MYO3A: variants seen among roughly 807,000 people sequenced by gnomAD.
The protein encoded by MYO3A is myosin-IIIa.
MYO3A carries 180 observed loss-of-function variants against 192.7 expected under a neutral mutation model. That is an observed-to-expected ratio of 0.93 (90% CI 0.83 to 1.06). MYO3A has a LOEUF of 1.06. MYO3A is among the 50% of genes least tolerant of loss of function. MYO3A has a pLI of 0.00. For missense variants in MYO3A, 1,896 were observed against 1,905.0 expected (o/e 1.00, Z 0.09); for synonymous variants, 628 against 645.3 (o/e 0.97, Z 0.41).
At chr10:26,028,999 G>GT (rs992112827) in intron 10 of MYO3A, among the ~76,000 whole-genome samples, 2 of 152,154 alleles carry the variant, frequency 1.3e-5, no homozygotes, top group African/African-American at 4.8e-5. Flanking sequence ...ATCTGTCCTA[G>GT]TATTTTTAAT....
At chr10:26,168,953 G>C (rs1841906583) in intron 28 of MYO3A, 79 bp downstream of exon 28, 1 of 1,405,034 alleles carries the variant, frequency 7.1e-7, no homozygotes, top group Non-Finnish European at 9.9e-7. Context: ...TCCAATTCTT[G>C]TGTAGCTTTT....
chr10:26,084,241 A>G (rs1010552896), intron 14 of MYO3A, among the ~76,000 whole-genome samples: 1 of 152,184 alleles, frequency 6.6e-6, no homozygotes, highest in Non-Finnish European at 1.5e-5. Context: ...GTTGAATCAT[A>G]TTGTTTGATT....
At chr10:26,073,860 T>A (rs1277611970) in intron 14 of MYO3A, among the ~76,000 whole-genome samples, 2 of 151,610 alleles carry the variant, frequency 1.3e-5, no homozygotes, top group Admixed American at 6.6e-5. Flanking sequence ...CATGAGACAA[T>A]TTGGGGTGGT....
intron 10 of MYO3A, among the ~76,000 whole-genome samples, chr10:26,029,467 T>C (rs1360139742): frequency 6.6e-6 from 1 of 152,244 alleles, no homozygotes; most frequent in East Asian, 1.9e-4. Context: ...TGCTATATTC[T>C]GAATGAATTC....
chr10:25,957,045 T>C (rs943851023), intron 4 of MYO3A, among the ~76,000 whole-genome samples: 3 of 152,186 alleles, frequency 2.0e-5, no homozygotes, highest in African/African-American at 7.2e-5. Flanking sequence ...ATCATGTTCC[T>C]GCAAAGGACA....
intron 31 of MYO3A, 111 bp downstream of exon 31, chr10:26,176,956 C>A: frequency 8.1e-7 from 1 of 1,241,848 alleles, no homozygotes; most frequent in Non-Finnish European, 1.2e-6. Context: ...TGTGTCCTGT[C>A]TTAGGAGAAC....
chr10:26,022,142 C>T (rs981617252), intron 8 of MYO3A: 1 of 152,426 alleles, frequency 6.6e-6, no homozygotes, highest in African/African-American at 2.4e-5. Flanking sequence ...TAATATAAAA[C>T]AATAAATTTA....
intron 10 of MYO3A, among the ~76,000 whole-genome samples, chr10:26,060,350 C>T (rs1010938098): frequency 3.9e-5 from 6 of 151,970 alleles, no homozygotes; most frequent in Admixed American, 6.6e-5. Context: ...TGCCTGTAAT[C>T]CCAGTTACTC....
chr10:25,971,343 T>C (rs1838627761), intron 4 of MYO3A, among the ~76,000 whole-genome samples: 1 of 152,226 alleles, frequency 6.6e-6, no homozygotes, highest in African/African-American at 2.4e-5. Flanking sequence ...TAATGTTTTA[T>C]ACAATTGCTT....
intron 2 of MYO3A, among the ~76,000 whole-genome samples, chr10:25,943,776 G>GTGTGTGTGTGTA (rs1243847182): frequency 2.0e-5 from 3 of 147,480 alleles, no homozygotes; most frequent in Admixed American, 6.7e-5. Context: ...ATTTGTGTGT[G>GTGTGTGTGTGTA]TGTGTGTGTG....
intron 31 of MYO3A, among the ~76,000 whole-genome samples, chr10:26,183,504 C>T (rs938912022): frequency 7.9e-5 from 12 of 152,002 alleles, no homozygotes; most frequent in African/African-American, 2.9e-4. Context: ...GCCTGGGCAA[C>T]AGAGTGAGAC....
chr10:25,938,705 A>T (rs2031844068), intron 2 of MYO3A, among the ~76,000 whole-genome samples: 1 of 152,216 alleles, frequency 6.6e-6, no homozygotes, highest in Non-Finnish European at 1.5e-5. Context: ...TCATGATATT[A>T]AAATATTGCT....
chr10:26,092,172 G>C, intron 15 of MYO3A, among the ~76,000 whole-genome samples: 1 of 152,104 alleles, frequency 6.6e-6, no homozygotes, highest in East Asian at 1.9e-4. Context: ...AGTGCCTTAA[G>C]AATGCAAAGC....
intron 20 of MYO3A, among the ~76,000 whole-genome samples, chr10:26,130,412 A>T (rs528001605): frequency 2.6e-5 from 4 of 152,292 alleles, no homozygotes; most frequent in African/African-American, 9.6e-5. Context: ...ATCCTGGCCT[A>T]CAAGTTGCTT....
At chr10:26,122,736 C>T (rs1838952847) in intron 18 of MYO3A, among the ~76,000 whole-genome samples, 2 of 152,152 alleles carry the variant, frequency 1.3e-5, no homozygotes, top group African/African-American at 4.8e-5. Context: ...TCCTCCTTCT[C>T]CTTTTCTCTT....
intron 32 of MYO3A, among the ~76,000 whole-genome samples, chr10:26,193,927 C>T (rs1843274849): frequency 6.6e-6 from 1 of 152,150 alleles, no homozygotes; most frequent in African/African-American, 2.4e-5. Flanking sequence ...GGCGTTGCCC[C>T]TGATCGCCTG....
At chr10:26,043,992 G>T (rs1843502065) in intron 10 of MYO3A, among the ~76,000 whole-genome samples, 1 of 152,162 alleles carries the variant, frequency 6.6e-6, no homozygotes, top group African/African-American at 2.4e-5. Context: ...TATCACTGCT[G>T]GTCATTCAGG....
At chr10:26,079,927 G>A (rs929649385) in intron 14 of MYO3A, among the ~76,000 whole-genome samples, 6 of 152,152 alleles carry the variant, frequency 3.9e-5, no homozygotes, top group African/African-American at 1.4e-4. Context: ...GTTACCTGGT[G>A]CTTCTGTCTC....
intron 10 of MYO3A, among the ~76,000 whole-genome samples, chr10:26,053,964 G>A (rs1844166061): frequency 6.6e-6 from 1 of 152,210 alleles, no homozygotes; most frequent in Non-Finnish European, 1.5e-5. Context: ...TTAGGCTTGT[G>A]GCTCTTTGGG....
Sources: gnomAD v4.1 joint callset for allele counts (sites outside exome capture counted in the v4.1 genomes callset) on GRCh38, gnomAD v4.1.1 for gene constraint, MANE v1.5 for transcripts, NCBI Gene and HGNC (gene_info 2026-07-23, HGNC 2026-07-21) for gene names.